The following FAM13A variants were observed in gnomAD, a reference collection of about 807,000 sequenced individuals.
FAM13A encodes protein FAM13A.
A neutral mutation model predicts 129.6 loss-of-function variants in FAM13A; 76 were observed. That is an observed-to-expected ratio of 0.59 (90% CI 0.49 to 0.71). FAM13A has a LOEUF of 0.71. FAM13A is among the 30% of genes least tolerant of loss of function. FAM13A has a pLI of 0.00. For synonymous variants in FAM13A, 443 were observed against 449.9 expected (o/e 0.98, Z 0.20); for missense variants, 1,108 against 1,249.3 (o/e 0.89, Z 1.70).
At chr4:88,912,611 T>C (rs1304198956) in intron 5 of FAM13A, among the ~76,000 whole-genome samples, 2 of 151,596 alleles carry the variant, frequency 1.3e-5, no homozygotes, top group African/African-American at 4.9e-5. Flanking sequence ...ACACCTCCTA[T>C]TGGTTTTCTC....
At chr4:88,955,706 G>A (rs1213778415) in intron 4 of FAM13A, among the ~76,000 whole-genome samples, 2 of 152,174 alleles carry the variant, frequency 1.3e-5, no homozygotes, top group Admixed American at 6.5e-5. Flanking sequence ...TAGAAATGAG[G>A]AATTTTGGGG....
intron 4 of FAM13A, among the ~76,000 whole-genome samples, chr4:88,945,990 G>GTCTATATATATA: frequency 1.6e-5 from 1 of 61,966 alleles, no homozygotes; most frequent in East Asian, 3.4e-4. Context: ...GTGTGTGTGT[G>GTCTATATATATA]TATATATATA....
chr4:88,831,342 G>A (rs1733855910), intron 7 of FAM13A, among the ~76,000 whole-genome samples: 1 of 152,190 alleles, frequency 6.6e-6, no homozygotes, highest in Admixed American at 6.5e-5. Context: ...CTTTCACCTT[G>A]TTAAATGATA....
At chr4:89,021,825 G>A (rs1051152151) in intron 2 of FAM13A, among the ~76,000 whole-genome samples, 3 of 151,824 alleles carry the variant, frequency 2.0e-5, no homozygotes, top group African/African-American at 7.3e-5. Context: ...AAGGGAGAGG[G>A]AAAGGGTTGA....
chr4:89,000,478 T>C lies in FAM13A; in HGVS notation c.428-9328A>G, dbSNP rs367964511. ...AAATGTCCATAGAAGCAAATGTTTA[T>C]AGAAAGAAAGTAGACTGGTCTTTGC... On this transcript the variant is annotated intron_variant, in intron 3 of 23. Coordinates refer to ENST00000264344, the MANE Select transcript of FAM13A (RefSeq NM_014883.4). 9.2e-5 allele frequency among the ~76,000 whole-genome samples: 14 copies of C among 152,274 alleles called. No individual in the cohort carries two copies. In the East Asian group the frequency reaches 1.7e-3, roughly 19 times the overall value.
intron 5 of FAM13A, among the ~76,000 whole-genome samples, chr4:88,921,722 G>T (rs1751124190): frequency 6.6e-6 from 1 of 152,140 alleles, no homozygotes; most frequent in African/African-American, 2.4e-5. Context: ...AATGTAAATG[G>T]ACTAAATGCT....
intron 5 of FAM13A, among the ~76,000 whole-genome samples, chr4:88,906,833 C>T (rs951147112): frequency 6.6e-6 from 1 of 152,164 alleles, no homozygotes; most frequent in African/African-American, 2.4e-5. Context: ...AACTTAAAGT[C>T]GCCAACATTC....
Position 88,898,827 on chromosome 4 carries a change from G to A in FAM13A, c.843+7552C>T, listed in dbSNP as rs1383590243. On this transcript the variant is annotated intron_variant, in intron 6 of 23. Coordinates refer to ENST00000264344, the MANE Select transcript of FAM13A (RefSeq NM_014883.4). ...ACACTTCTACACCACTGGTGGGAACGTAAACTAGTACAACCACTATGGAAA... is the reference window on the plus strand; with the variant it reads ...ACACTTCTACACCACTGGTGGGAACATAAACTAGTACAACCACTATGGAAA... Among the ~76,000 whole-genome samples, 6 of 152,016 alleles carry A rather than the reference G, an allele frequency of 3.9e-5. No individual in the cohort carries two copies. The East Asian group carries it at 5.8e-4, about 15-fold the overall frequency.
At chr4:88,947,240 C>T (rs1756042897) in intron 4 of FAM13A, among the ~76,000 whole-genome samples, 2 of 152,104 alleles carry the variant, frequency 1.3e-5, no homozygotes, top group South Asian at 2.1e-4. Context: ...AAAACCCTGT[C>T]TCTACCAAAA....
chr4:89,016,823 T>A (rs1017274122), intron 3 of FAM13A, among the ~76,000 whole-genome samples: 2 of 152,104 alleles, frequency 1.3e-5, no homozygotes, highest in African/African-American at 4.8e-5. Context: ...TCTGTAGAGA[T>A]GCGGTTTTGC....
At chr4:88,893,620 C>T (rs553810675) in intron 6 of FAM13A, among the ~76,000 whole-genome samples, 3 of 132,904 alleles carry the variant, frequency 2.3e-5, no homozygotes, top group Non-Finnish European at 4.9e-5. Flanking sequence ...CAGACTCTGT[C>T]TCAATGAATG....
At chr4:88,732,894 T>C (rs1245580848) in intron 21 of FAM13A, among the ~76,000 whole-genome samples, 2 of 149,950 alleles carry the variant, frequency 1.3e-5, no homozygotes, top group East Asian at 1.9e-4. Flanking sequence ...ATAATGCAAA[T>C]AGAAAAATAA....
At chr4:88,821,753 G>C (rs950807120) in intron 7 of FAM13A, among the ~76,000 whole-genome samples, 1 of 152,122 alleles carries the variant, frequency 6.6e-6, no homozygotes, top group Non-Finnish European at 1.5e-5. Context: ...CTGAGTTCAC[G>C]TAGAAAAATT....
At chr4:88,902,324 A>T (rs62310473) in intron 6 of FAM13A, among the ~76,000 whole-genome samples, 1 of 152,306 alleles carries the variant, frequency 6.6e-6, no homozygotes, top group East Asian at 1.9e-4. Context: ...CTTCAGGCCA[A>T]TATCCCTGAT....
At chr4:88,747,076 TCTTTA>T (rs1409508128) in intron 18 of FAM13A, 61 bp from the exon 19 acceptor site, 6 of 1,145,412 alleles carry the variant, frequency 5.2e-6, no homozygotes, top group Middle Eastern at 1.9e-4. Context: ...CATTCCAACT[TCTTTA>T]CTTAAATTAC....
At chr4:88,909,352 T>C (rs959602754) in intron 5 of FAM13A, among the ~76,000 whole-genome samples, 18 of 152,172 alleles carry the variant, frequency 1.2e-4, no homozygotes, top group African/African-American at 4.3e-4. Flanking sequence ...AAAGGATATA[T>C]ATTGTGTGAT....
chr4:88,790,446 TA>T (rs1014613264), intron 9 of FAM13A, 139 bp downstream of exon 9: 1 of 696,096 alleles, frequency 1.4e-6, no homozygotes. Context: ...CCATATAGTT[TA>T]AAAGTCACTG....
chr4:88,832,957 T>G (rs1399905654), intron 7 of FAM13A, among the ~76,000 whole-genome samples: 4 of 152,156 alleles, frequency 2.6e-5, no homozygotes, highest in Admixed American at 1.3e-4. Context: ...CTATTCACAA[T>G]AGCAAAGACA....
chr4:88,870,427 C>T (rs886531418), intron 6 of FAM13A, among the ~76,000 whole-genome samples: 3 of 152,196 alleles, frequency 2.0e-5, no homozygotes. Context: ...GTCACTCCTG[C>T]CCTAATACTG....
Sources: gnomAD v4.1 joint callset for allele counts (sites outside exome capture counted in the v4.1 genomes callset) on GRCh38, gnomAD v4.1.1 for gene constraint, MANE v1.5 for transcripts, NCBI Gene and HGNC (gene_info 2026-07-23, HGNC 2026-07-21) for gene names.